WBP4: variants seen among roughly 807,000 people sequenced by gnomAD.
WBP4 encodes the protein WW domain binding protein 4, also known as WW domain-binding protein 4.
WBP4 carries 37 observed loss-of-function variants against 55.4 expected under a neutral mutation model. The observed-to-expected ratio is 0.67, with a 90% CI of 0.51 to 0.88. The LOEUF is 0.88. Among genes scored for constraint, WBP4 ranks in the 40% least tolerant of loss-of-function variants. The probability of loss-of-function intolerance (pLI) is 0.00; values close to 1 mark genes in which losing one functional copy is unlikely to be tolerated. For synonymous variants in WBP4, 142 were observed against 140.2 expected, an observed-to-expected ratio of 1.01 and a Z score of -0.09; for missense variants, 398 against 420.8, an observed-to-expected ratio of 0.95 and a Z score of 0.47.
intron 9 of WBP4, among the ~76,000 whole-genome samples, chr13:41,082,095 T>C (rs1405101971): frequency 6.6e-6 from 1 of 152,124 alleles, no homozygotes; most frequent in Non-Finnish European, 1.5e-5. Flanking sequence ...TAATTAATCA[T>C]GTGGATGGTT....
At chr13:41,065,349 C>CT in intron 4 of WBP4, 62 bp downstream of exon 4, 1 of 1,496,042 alleles carries the variant, frequency 6.7e-7, no homozygotes, top group Non-Finnish European at 8.8e-7. Flanking sequence ...AGAGGTCAAG[C>CT]TAAGTAAGCT....
intron 7 of WBP4, among the ~76,000 whole-genome samples, chr13:41,073,529 A>G (rs1056818508): frequency 4.6e-5 from 7 of 150,804 alleles, no homozygotes; most frequent in Non-Finnish European, 8.8e-5. Context: ...AAAAAAAAAA[A>G]GTAGGCTAGG....
rs544786517 is a variant in WBP4 at position 41,071,462 on chromosome 13, A to T, written c.440-65A>T. On this transcript the variant is annotated intron_variant, in intron 5 of 9. Coordinates refer to ENST00000379487, the MANE Select transcript of WBP4 (RefSeq NM_007187.5). ...ACATAATGACTGTAAATTTTGTCCA[A>T]ATTTTTTGGAAAGTATTTTTTTAAA... 6 of 1,471,574 alleles carry T rather than the reference A, an allele frequency of 4.1e-6. No homozygotes were observed. In the African/African-American group the frequency reaches 5.7e-5, roughly 14 times the overall value. 91.2% of individuals were successfully genotyped at this position (1,471,574 alleles called of 1,614,324 possible).
Position 41,076,177 on chromosome 13 carries a change from A to G in WBP4, c.696A>G (p.Glu232=). 2.5e-6 allele frequency: 4 copies of G among 1,613,472 alleles called. No individual in the cohort carries two copies. The highest frequency in any genetic ancestry group is 1.1e-5 in the South Asian group (1 of 91,014). The part of the protein sequence containing the change: ...SSDSHSDSDG[E]QEAEEGGVST... ...ATTCGCATAGTGATTCTGATGGGGA[A>G]CAGGAAGCAGAAGAAGGAGGGGTCT... is the stretch of plus-strand genomic sequence containing the variant. The change falls in exon 8 of 10, where the codon GAA becomes GAG. Residue 232 remains glutamate (E), a synonymous_variant. Transcript: ENST00000379487.
At position 41,071,465 on chromosome 13, in the gene WBP4, T is replaced by C; in HGVS notation, c.440-62T>C. The C allele has an allele frequency of 3.4e-6, 5 of 1,482,666 alleles. No individual in the cohort carries two copies. The South Asian group carries it at 6.1e-5, about 18-fold the overall frequency. The allele number at this position is 1,482,666 out of a possible 1,614,324, so 91.8% of individuals were successfully genotyped here. On this transcript the variant is annotated intron_variant, in intron 5 of 9. Coordinates refer to ENST00000379487, the MANE Select transcript of WBP4 (RefSeq NM_007187.5). Reference sequence around the variant, plus strand: ...TAATGACTGTAAATTTTGTCCAAATTTTTTGGAAAGTATTTTTTTAAAGCA... The same window carrying C: ...TAATGACTGTAAATTTTGTCCAAATCTTTTGGAAAGTATTTTTTTAAAGCA...
At chr13:41,067,946 G>A (rs1422361190) in intron 4 of WBP4, among the ~76,000 whole-genome samples, 2 of 151,972 alleles carry the variant, frequency 1.3e-5, no homozygotes, top group African/African-American at 2.4e-5. Context: ...TAAAAAGGGG[G>A]GAAGGGAGCA....
rs894095259 is a variant in WBP4, at chr13:41,083,913, G to A, written c.*999G>A. ...CACAAAATTACATTTCTCATAAATT[G>A]TATAGTATTTAACTTATAATAGTTA... On this transcript the variant is annotated 3_prime_UTR_variant, in exon 10 of 10. Transcript: ENST00000379487. The A allele has an allele frequency of 6.6e-6, 1 of 152,086 alleles. No homozygotes were observed. Among genetic ancestry groups the A allele is most frequent in the African/African-American group, 2.4e-5 (1 of 41,412 alleles). The allele number at this position is 152,086 out of a possible 1,614,324, so 9.4% of individuals were successfully genotyped here.
chr13:41,061,575 G>T lies in WBP4; in HGVS notation c.-99G>T. The T allele has an allele frequency of 1.3e-6, 2 of 1,587,192 alleles. No individual in the cohort carries two copies. Among genetic ancestry groups the T allele is most frequent in the Non-Finnish European group, 1.7e-6 (2 of 1,158,878 alleles). On this transcript the variant is annotated 5_prime_UTR_variant, in exon 1 of 10. Coordinates refer to ENST00000379487, the MANE Select transcript of WBP4 (RefSeq NM_007187.5). Reference sequence around the variant, plus strand: ...AGGTGTCTGGATCGGAGGGAGGTTCGGGTGGGCATCGGGCGGCTGGAAGAG... The same window carrying T: ...AGGTGTCTGGATCGGAGGGAGGTTCTGGTGGGCATCGGGCGGCTGGAAGAG...
At chr13:41,067,111 G>A (rs923386095) in intron 4 of WBP4, among the ~76,000 whole-genome samples, 3 of 151,970 alleles carry the variant, frequency 2.0e-5, no homozygotes, top group African/African-American at 4.8e-5. Context: ...ACCTCAGCTC[G>A]TCACCAGTCC....
chr13:41,079,166 A>T (rs1403859313), intron 8 of WBP4, among the ~76,000 whole-genome samples: 1 of 152,196 alleles, frequency 6.6e-6, no homozygotes, highest in Non-Finnish European at 1.5e-5. Context: ...CAAAAGACAC[A>T]CAGGTGGCCA....
At position 41,082,727 on chromosome 13, in the gene WBP4, C is replaced by T; in HGVS notation, c.944C>T (p.Pro315Leu). ...ESHEEVDLELPSTENEYVSTS... is the reference protein window; with the variant it reads ...ESHEEVDLELLSTENEYVSTS... ...AGTGAGGAGGTAGATTTGGAACTTC[C>T]AAGCACTGAAAATGAGTATGTATCA... The change falls in exon 10 of 10, where the codon CCA (proline) becomes CTA (leucine). Residue 315 changes from proline to leucine, a missense_variant. Transcript: ENST00000379487. 6.2e-7 allele frequency: 1 copy of T among 1,613,970 alleles called. No homozygotes were observed. Among genetic ancestry groups the T allele is most frequent in the Non-Finnish European group, 8.5e-7 (1 of 1,179,988 alleles).
At chr13:41,070,340 A>G (rs983555764) in intron 5 of WBP4, among the ~76,000 whole-genome samples, 2 of 152,124 alleles carry the variant, frequency 1.3e-5, no homozygotes, top group African/African-American at 2.4e-5. Context: ...TCAGTAGATA[A>G]TTAAGAGGTA....
chr13:41,074,695 C>G (rs1313741455), intron 7 of WBP4, among the ~76,000 whole-genome samples: 1 of 152,128 alleles, frequency 6.6e-6, no homozygotes, highest in Non-Finnish European at 1.5e-5. Flanking sequence ...ATAGTAGGTG[C>G]TAAATAAATT....
rs759154428 is a variant in WBP4, at chr13:41,068,701, G to T, written c.403G>T (p.Glu135Ter). Residue 135 changes from glutamate to a stop codon, truncating the protein, a stop_gained, in exon 5 of 10, where the codon GAG (glutamate) becomes TAG (stop). Coordinates refer to ENST00000379487, the MANE Select transcript of WBP4 (RefSeq NM_007187.5). LOFTEE classifies it high-confidence loss of function. Reference sequence around the variant, plus strand: ...CAGATGGGTAGAAGGCATAACCTCTGAGGGTTACCATTACTATTATGATCT... The same window carrying T: ...CAGATGGGTAGAAGGCATAACCTCTTAGGGTTACCATTACTATTATGATCT... ...KGRWVEGITSEGYHYYYDLIS... is the reference protein window; with the variant it reads ...KGRWVEGITS 7.5e-6 allele frequency: 12 copies of T among 1,610,538 alleles called. No homozygotes were observed. The African/African-American group carries it at 1.5e-4, about 20-fold the overall frequency.
chr13:41,073,812 AAT>A (rs1047627578), intron 7 of WBP4, among the ~76,000 whole-genome samples: 2 of 152,342 alleles, frequency 1.3e-5, no homozygotes, highest in African/African-American at 4.8e-5. Flanking sequence ...CTCAAAATAA[AAT>A]AAAAAATAAA....
At chr13:41,066,213 T>C (rs1269237971) in intron 4 of WBP4, among the ~76,000 whole-genome samples, 1 of 152,232 alleles carries the variant, frequency 6.6e-6, no homozygotes, top group Non-Finnish European at 1.5e-5. Context: ...ATCAATTATA[T>C]GCATTGAGAC....
intron 1 of WBP4, 92 bp from the exon 2 acceptor site, chr13:41,062,552 A>C: frequency 1.2e-5 from 13 of 1,123,314 alleles, no homozygotes; most frequent in Non-Finnish European, 1.7e-5. Flanking sequence ...TAGCAGGGGC[A>C]TATATTTCAA....
intron 1 of WBP4, 79 bp downstream of exon 1, chr13:41,061,754 C>G (rs1877653711): frequency 6.2e-7 from 1 of 1,601,654 alleles, no homozygotes; most frequent in Non-Finnish European, 8.5e-7. Context: ...TTCCCCTCCT[C>G]TCCTCCCGCC....
Position 41,061,545 on chromosome 13 carries a change from G to A in WBP4, c.-129G>A. 1 of 1,444,956 alleles carries A rather than the reference G, an allele frequency of 6.9e-7. No homozygotes were observed. The highest frequency in any genetic ancestry group is 9.6e-7 in the Non-Finnish European group (1 of 1,040,664). 89.5% of individuals were successfully genotyped at this position (1,444,956 alleles called of 1,614,324 possible). Reference sequence around the variant, plus strand: ...CAGCGGAACGCTGGTCCCGGGGACTGAGTAAGGTGTCTGGATCGGAGGGAG... The same window carrying A: ...CAGCGGAACGCTGGTCCCGGGGACTAAGTAAGGTGTCTGGATCGGAGGGAG... On this transcript the variant is annotated 5_prime_UTR_variant, in exon 1 of 10. Coordinates refer to ENST00000379487, the MANE Select transcript of WBP4 (RefSeq NM_007187.5).
Sources: gnomAD v4.1 joint callset for allele counts (sites outside exome capture counted in the v4.1 genomes callset) on GRCh38, gnomAD v4.1.1 for gene constraint, MANE v1.5 for transcripts, NCBI Gene and HGNC (gene_info 2026-07-23, HGNC 2026-07-21) for gene names.